XKR9: variants seen among roughly 807,000 people sequenced by gnomAD.
XKR9 encodes XK related 9.
Under a neutral mutation model 32.0 loss-of-function variants are expected in XKR9, and 32 were observed. The observed-to-expected ratio is 1.00, with a 90% CI of 0.76 to 1.34. The LOEUF is 1.34. Ranked by LOEUF, XKR9 falls within the 40% of genes most tolerant of loss-of-function variation. The pLI, the probability that XKR9 is intolerant of heterozygous loss-of-function variation, is 0.00. For missense variants in XKR9, 546 were observed against 429.7 expected, an observed-to-expected ratio of 1.27 and a Z score of -2.39; for synonymous variants, 168 against 143.4, an observed-to-expected ratio of 1.17 and a Z score of -1.22.
the XKR9 span, among the ~76,000 whole-genome samples, chr8:70,886,259 A>G: frequency 6.6e-6 from 1 of 152,180 alleles, no homozygotes; most frequent in Non-Finnish European, 1.5e-5. Flanking sequence ...CATGGTGTAT[A>G]TGTGTCACAT....
intron 2 of XKR9, among the ~76,000 whole-genome samples, chr8:70,784,938 T>C (rs1450954004): frequency 6.6e-6 from 1 of 152,064 alleles, no homozygotes; most frequent in Non-Finnish European, 1.5e-5. Flanking sequence ...ATCAAATGCT[T>C]TTTCTACACC....
chr8:71,056,364 GA>G, the XKR9 span, among the ~76,000 whole-genome samples: 1 of 151,726 alleles, frequency 6.6e-6, no homozygotes, highest in Non-Finnish European at 1.5e-5. Flanking sequence ...TTTCATGAAG[GA>G]AAAAGGAATA....
At position 70,681,941 on chromosome 8, in the gene XKR9, C is replaced by A. The variant is rs1171188846; in HGVS notation, c.272+611C>A. ...GTCCTGTTAAAAAGCAATTCATGAT[C>A]CTTAGTTGAATGTATTAAAAAAATT... On this transcript the variant is annotated intron_variant, in intron 3 of 4. Coordinates refer to ENST00000408926, the MANE Select transcript of XKR9 (RefSeq NM_001011720.2). Among the ~76,000 whole-genome samples, 6 of 152,060 alleles carry A rather than the reference C, an allele frequency of 3.9e-5. No homozygotes were observed. In the South Asian group the frequency reaches 1.0e-3, roughly 26 times the overall value.
the XKR9 span, among the ~76,000 whole-genome samples, chr8:70,859,162 C>A: frequency 2.8e-3 from 431 of 151,868 alleles, 1 homozygote; most frequent in Admixed American, 4.7e-3. Flanking sequence ...TAGCAAAAAA[C>A]CAAATAATCC....
chr8:70,947,458 A>G, the XKR9 span, among the ~76,000 whole-genome samples: 1 of 152,256 alleles, frequency 6.6e-6, no homozygotes, highest in Non-Finnish European at 1.5e-5. Flanking sequence ...AGATTTAAGT[A>G]CAAATATATC....
At chr8:70,695,215 T>C (rs1418352050) in intron 3 of XKR9, among the ~76,000 whole-genome samples, 7 of 151,308 alleles carry the variant, frequency 4.6e-5, no homozygotes, top group African/African-American at 1.7e-4. Flanking sequence ...TTAGGGTACA[T>C]GTGTGCAATG....
chr8:70,759,344 G>A (rs13258584), intron 2 of XKR9, among the ~76,000 whole-genome samples: 61,275 of 151,892 alleles, frequency 0.4, 13,889 homozygotes, highest in Non-Finnish European at 0.52. Flanking sequence ...AGCTATTTTA[G>A]AAAGGGGGTG....
chr8:70,753,328 C>T (rs1209012253), intron 2 of XKR9, among the ~76,000 whole-genome samples: 1 of 151,732 alleles, frequency 6.6e-6, no homozygotes, highest in Non-Finnish European at 1.5e-5. Context: ...CCGAATTCTA[C>T]CAGAGGTACA....
chr8:70,891,811 T>C, the XKR9 span, among the ~76,000 whole-genome samples: 1 of 152,084 alleles, frequency 6.6e-6, no homozygotes, highest in Non-Finnish European at 1.5e-5. Flanking sequence ...ATGTTTCTTT[T>C]GATTTTCTGT....
the XKR9 span, among the ~76,000 whole-genome samples, chr8:71,042,390 G>T: frequency 1.3e-5 from 2 of 152,050 alleles, no homozygotes; most frequent in African/African-American, 4.8e-5. Context: ...TGGAGCTTGG[G>T]TTAGAAACTG....
chr8:70,919,530 C>G, the XKR9 span, among the ~76,000 whole-genome samples: 1 of 152,268 alleles, frequency 6.6e-6, no homozygotes, highest in African/African-American at 2.4e-5. Flanking sequence ...GGGTATTGCT[C>G]TAGGGTACTC....
chr8:70,795,802 A>C, the XKR9 span, among the ~76,000 whole-genome samples: 19 of 151,988 alleles, frequency 1.3e-4, no homozygotes, highest in South Asian at 3.7e-3. Flanking sequence ...CTGTCTGTTC[A>C]TGCCCTTTGC....
chr8:70,712,295 T>C lies in XKR9; in HGVS notation c.493+5142T>C, dbSNP rs570237827. Among the ~76,000 whole-genome samples the C allele has an allele frequency of 4.6e-5, 7 of 152,184 alleles. No individual in the cohort carries two copies. The East Asian group carries it at 1.4e-3, about 29-fold the overall frequency. Reference sequence around the variant, plus strand: ...ATCTAAAAATATTGGATAAAATATCTTTAAAAATCTTCCTAAAACATAACA... The same window carrying C: ...ATCTAAAAATATTGGATAAAATATCCTTAAAAATCTTCCTAAAACATAACA... On this transcript the variant is annotated intron_variant, in intron 4 of 4. Transcript: ENST00000408926.
At chr8:70,749,439 G>A (rs773370720) in intron 2 of XKR9, among the ~76,000 whole-genome samples, 38 of 151,538 alleles carry the variant, frequency 2.5e-4, no homozygotes, top group Non-Finnish European at 5.4e-4. Flanking sequence ...AAGCTTTCAG[G>A]TGCCACCAAA....
At chr8:70,950,784 C>T in the XKR9 span, among the ~76,000 whole-genome samples, 1 of 152,132 alleles carries the variant, frequency 6.6e-6, no homozygotes, top group African/African-American at 2.4e-5. Flanking sequence ...AGTGATTCTG[C>T]TGCCTCAGCC....
Position 70,726,906 on chromosome 8 carries a change from T to C in XKR9, c.494-6890T>C, listed in dbSNP as rs1159341603. ...CCTCCTCTCATCAAACAAAGGCAATTTTGTGAGAGTTTTGATGGGAAATCA... is the reference window on the plus strand; with the variant it reads ...CCTCCTCTCATCAAACAAAGGCAATCTTGTGAGAGTTTTGATGGGAAATCA... On this transcript the variant is annotated intron_variant, in intron 4 of 4. Coordinates refer to ENST00000408926, the MANE Select transcript of XKR9 (RefSeq NM_001011720.2). Among the ~76,000 whole-genome samples the C allele has an allele frequency of 2.0e-5, 3 of 152,130 alleles. No individual in the cohort carries two copies. In the East Asian group the frequency reaches 5.8e-4, roughly 29 times the overall value.
At chr8:70,723,817 C>G (rs1197091996) in intron 4 of XKR9, among the ~76,000 whole-genome samples, 2 of 151,910 alleles carry the variant, frequency 1.3e-5, no homozygotes, top group Admixed American at 6.6e-5. Context: ...AGGAGGCAGT[C>G]TGTCCCTTAT....
At chr8:70,801,240 C>T in the XKR9 span, among the ~76,000 whole-genome samples, 2 of 152,110 alleles carry the variant, frequency 1.3e-5, no homozygotes, top group African/African-American at 4.8e-5. Flanking sequence ...TCTAGTTCCT[C>T]TAGGTGTGGT....
intron 2 of XKR9, among the ~76,000 whole-genome samples, chr8:70,750,066 A>G (rs978262773): frequency 1.3e-5 from 2 of 152,176 alleles, no homozygotes; most frequent in Non-Finnish European, 2.9e-5. Flanking sequence ...GTAGGATTTC[A>G]TCAAATATTT....
Sources: gnomAD v4.1 joint callset for allele counts (sites outside exome capture counted in the v4.1 genomes callset) on GRCh38, gnomAD v4.1.1 for gene constraint, MANE v1.5 for transcripts, NCBI Gene and HGNC (gene_info 2026-07-23, HGNC 2026-07-21) for gene names.